The following SREBF2 variants were observed in gnomAD, a reference collection of about 807,000 sequenced individuals.
SREBF2 encodes the protein sterol regulatory element-binding protein 2.
In SREBF2, 55 loss-of-function variants were observed where a neutral mutation model predicts 113.1. That is an observed-to-expected ratio of 0.49 (90% CI 0.39 to 0.61). The LOEUF (loss-of-function observed/expected upper bound fraction) is 0.61, where lower values mean the gene tolerates loss of function less well. SREBF2 is among the 20% of genes least tolerant of loss of function. The probability of loss-of-function intolerance (pLI) is 0.00; values close to 1 mark genes in which losing one functional copy is unlikely to be tolerated. For missense variants in SREBF2, 1,349 were observed against 1,487.4 expected, an observed-to-expected ratio of 0.91 and a Z score of 1.53; for synonymous variants, 593 against 605.7, an observed-to-expected ratio of 0.98 and a Z score of 0.31.
chr22:41,833,376 G>GGAGACCAT lies in SREBF2; in HGVS notation c.88+19_88+20insAGACCATG. 2 of 1,205,700 alleles carry GGAGACCAT rather than the reference G, an allele frequency of 1.7e-6. No homozygotes were observed. The highest frequency in any genetic ancestry group is 2.3e-6 in the Non-Finnish European group (2 of 863,648). The allele number at this position is 1,205,700 out of a possible 1,614,324, so 74.7% of individuals were successfully genotyped here. On this transcript the variant is annotated intron_variant, in intron 1 of 18. Transcript: ENST00000361204. This position sits in a 1 kb window ranked among gnomAD's most constrained non-coding sequence, Gnocchi z 4.1. ...CATCGACGGTGAGTGGTGGGTGGGT[G>GGAGACCAT]GGAGTGCGGGGGCCGCGCGGGGAGG...
intron 1 of SREBF2, among the ~76,000 whole-genome samples, chr22:41,863,783 G>T (rs541333079): frequency 6.6e-6 from 1 of 152,150 alleles, no homozygotes; most frequent in African/African-American, 2.4e-5. Flanking sequence ...TACTTAAGGT[G>T]CCCAGATTGA....
chr22:41,893,201 C>G lies in SREBF2; in HGVS notation c.2293C>G (p.Leu765Val). ...CTCCCTGCGCTGGCTCTGCCACCCC[C>G]TGGGCCAGAAGTTTTTCATGGAGCG... ...PDSLRWLCHPLGQKFFMERSW... is the reference protein window; with the variant it reads ...PDSLRWLCHPVGQKFFMERSW... Residue 765 changes from leucine to valine, a missense_variant, in exon 12 of 19, where the codon CTG becomes GTG. Leu to Val is a conservative substitution (Grantham distance 32). This residue lies in a region of SREBF2 where 650 missense variants were observed against 644.1 expected (regional missense o/e 1.01). Transcript: ENST00000361204. 1 of 1,614,206 alleles carries G rather than the reference C, an allele frequency of 6.2e-7. No homozygotes were observed. Among genetic ancestry groups the G allele is most frequent in the Non-Finnish European group, 8.5e-7 (1 of 1,180,036 alleles).
chr22:41,856,623 A>G (rs969031321), intron 1 of SREBF2, among the ~76,000 whole-genome samples: 1 of 152,230 alleles, frequency 6.6e-6, no homozygotes, highest in Admixed American at 6.5e-5. Context: ...TTACATTCAA[A>G]GAAAGATTGC....
intron 1 of SREBF2, among the ~76,000 whole-genome samples, chr22:41,849,474 T>G (rs1470060599): frequency 6.6e-6 from 1 of 152,066 alleles, no homozygotes; most frequent in Non-Finnish European, 1.5e-5. Context: ...GGATTACAGG[T>G]GTGAGCCACC....
chr22:41,864,257 T>TAC (rs1271238414), intron 1 of SREBF2, among the ~76,000 whole-genome samples: 10 of 72,766 alleles, frequency 1.4e-4, no homozygotes, highest in South Asian at 5.0e-4. Context: ...TATATATATA[T>TAC]ATATACACAC....
In SREBF2 at chr22:41,879,552, G is replaced by C. The variant is rs1008175456; in HGVS notation, c.1762-1164G>C. On this transcript the variant is annotated intron_variant, in intron 9 of 18. Transcript: ENST00000361204. ...TCTTTGAGGGAAAGGCAGGGGAGGA[G>C]CCAGGGAACACCTGCCTCCTTTGGA... Among the ~76,000 whole-genome samples, 7 of 152,196 alleles carry C rather than the reference G, an allele frequency of 4.6e-5. No individual in the cohort carries two copies. In the East Asian group the frequency reaches 9.6e-4, roughly 21 times the overall value.
At chr22:41,869,569 C>T (rs965109076) in intron 3 of SREBF2, among the ~76,000 whole-genome samples, 2 of 151,048 alleles carry the variant, frequency 1.3e-5, no homozygotes, top group Admixed American at 6.6e-5. Flanking sequence ...CTGCAACCCC[C>T]GCCTACCAGG....
At chr22:41,904,484 C>A in intron 17 of SREBF2, 1 of 468,080 alleles carries the variant, frequency 2.1e-6, no homozygotes. Context: ...GCCCAACTGT[C>A]CCTCCTCACC....
At chr22:41,850,390 G>A (rs186564970) in intron 1 of SREBF2, among the ~76,000 whole-genome samples, 18 of 151,816 alleles carry the variant, frequency 1.2e-4, no homozygotes, top group African/African-American at 4.1e-4. Context: ...GGCGGAGGCT[G>A]CAGTGAGCCG....
intron 15 of SREBF2, chr22:41,899,658 C>T: frequency 2.5e-6 from 2 of 797,758 alleles, no homozygotes; most frequent in South Asian, 1.1e-4. Context: ...GGTAAGCACC[C>T]AGCCCGGTAT....
intron 13 of SREBF2, among the ~76,000 whole-genome samples, chr22:41,895,489 G>A (rs960463461): frequency 7.0e-6 from 1 of 141,852 alleles, no homozygotes; most frequent in African/African-American, 2.7e-5. Flanking sequence ...AGGCTGGAGT[G>A]CAATGGACCA....
Position 41,866,947 on chromosome 22 carries a change from A to AG in SREBF2, c.206dup (p.Ser69ArgfsTer109), listed in dbSNP as rs1374858491. ...TGGTAGCAGCAGCGGCAGCAGTGGC[A>AG]GCAGCAGCAGCAGCAGCAATGGCAG... On this transcript the variant is annotated frameshift_variant, in exon 2 of 19. Transcript: ENST00000361204. LOFTEE classifies it high-confidence loss of function. The AG allele has an allele frequency of 6.3e-7, 1 of 1,594,736 alleles. No individual in the cohort carries two copies. Among genetic ancestry groups the AG allele is most frequent in the Non-Finnish European group, 8.6e-7 (1 of 1,166,356 alleles).
chr22:41,848,499 C>A (rs2076898834), intron 1 of SREBF2, among the ~76,000 whole-genome samples: 1 of 152,152 alleles, frequency 6.6e-6, no homozygotes, highest in South Asian at 2.1e-4. Flanking sequence ...TAGCATTAGG[C>A]AAGGATTGGA....
At chr22:41,857,404 C>T (rs1019643466) in intron 1 of SREBF2, among the ~76,000 whole-genome samples, 4 of 152,140 alleles carry the variant, frequency 2.6e-5, no homozygotes, top group African/African-American at 7.2e-5. Context: ...CCATGAGAGG[C>T]GGGGAGAGAG....
chr22:41,874,098 C>T (rs2077170869), intron 5 of SREBF2, 79 bp downstream of exon 5: 1 of 1,467,134 alleles, frequency 6.8e-7, no homozygotes, highest in Non-Finnish European at 9.5e-7. Flanking sequence ...CTAGAGAAGT[C>T]CCAGGCTCAA....
intron 16 of SREBF2, among the ~76,000 whole-genome samples, chr22:41,901,732 T>A (rs2077466974): frequency 6.6e-6 from 1 of 152,220 alleles, no homozygotes; most frequent in Non-Finnish European, 1.5e-5. Flanking sequence ...GAGCCACATT[T>A]CACCTTCTCT....
chr22:41,862,279 A>G (rs1349522988), intron 1 of SREBF2, among the ~76,000 whole-genome samples: 6 of 152,180 alleles, frequency 3.9e-5, no homozygotes, highest in African/African-American at 1.4e-4. Context: ...GCTGCTTGCA[A>G]TGCACGGATG....
At chr22:41,903,479 A>G (rs954838374) in intron 17 of SREBF2, among the ~76,000 whole-genome samples, 2 of 152,198 alleles carry the variant, frequency 1.3e-5, no homozygotes, top group South Asian at 4.1e-4. Flanking sequence ...TCTGAGGGCA[A>G]TGGTGGCAAG....
chr22:41,849,867 G>A (rs1419587115), intron 1 of SREBF2, among the ~76,000 whole-genome samples: 2 of 152,132 alleles, frequency 1.3e-5, no homozygotes, highest in Non-Finnish European at 2.9e-5. Flanking sequence ...GGCCGGGCTT[G>A]GTGACTCACG....
Sources: allele counts gnomAD v4.1 joint callset (sites outside exome capture counted in the v4.1 genomes callset), GRCh38; gene constraint gnomAD v4.1.1; regional missense constraint gnomAD v4.1.1; non-coding constraint Gnocchi (gnomAD v3.1); transcripts MANE v1.5; gene names NCBI Gene and HGNC (gene_info 2026-07-23, HGNC 2026-07-21).